SLC52A3: variants seen among roughly 807,000 people sequenced by gnomAD.
The protein encoded by SLC52A3 is solute carrier family 52, riboflavin transporter, member 3.
In SLC52A3, 20 loss-of-function variants were observed where a neutral mutation model predicts 29.5. That is an observed-to-expected ratio of 0.68 (90% CI 0.48 to 0.99). The LOEUF (loss-of-function observed/expected upper bound fraction) is 0.99, where lower values mean the gene tolerates loss of function less well. Among genes scored for constraint, SLC52A3 ranks in the 50% least tolerant of loss-of-function variants. SLC52A3 has a pLI of 0.00. For missense variants in SLC52A3, 548 were observed against 612.9 expected, an observed-to-expected ratio of 0.89 and a Z score of 1.12; for synonymous variants, 301 against 271.0, an observed-to-expected ratio of 1.11 and a Z score of -1.09.
At chr20:772,881 G>A (rs1015334804), upstream of SLC52A3, among the ~76,000 whole-genome samples, 2 of 152,166 alleles carry the variant, frequency 1.3e-5, no homozygotes, top group Non-Finnish European at 2.9e-5. Context: ...CAGAAAGCAC[G>A]GTCCAGGGGA....
chr20:763,803 G>A lies in SLC52A3; in HGVS notation c.768C>T (p.Leu256=). The A allele has an allele frequency of 1.2e-6, 2 of 1,614,110 alleles. No homozygotes were observed. Among genetic ancestry groups the A allele is most frequent in the Non-Finnish European group, 1.7e-6 (2 of 1,179,980 alleles). Residue 256 remains leucine (L), a synonymous_variant, in exon 3 of 5, where the codon CTC becomes CTT. Transcript: ENST00000645534. Reference sequence around the variant, plus strand: ...TGGAGTGGAGGGTGACCTGGTCATTGAGGAGGTCTTCCACGGAAGCCTCCC... The same window carrying A: ...TGGAGTGGAGGGTGACCTGGTCATTAAGGAGGTCTTCCACGGAAGCCTCCC... ...RCWEASVEDL[L]NDQVTLHSIR... is the part of the protein sequence containing the mutation.
intron 3 of SLC52A3, among the ~76,000 whole-genome samples, chr20:762,978 G>A (rs1986540824): frequency 6.6e-6 from 1 of 152,224 alleles, no homozygotes; most frequent in Non-Finnish European, 1.5e-5. Flanking sequence ...GGTTCAATCT[G>A]CATTTTATCA....
chr20:761,269 T>A, intron 4 of SLC52A3, 31 bp from the exon 5 acceptor site: 1 of 1,532,506 alleles, frequency 6.5e-7, no homozygotes, highest in Non-Finnish European at 8.8e-7. Context: ...AGGTGCAGAG[T>A]CACGGGGCTT....
At position 760,934 on chromosome 20, in the gene SLC52A3, CTG is replaced by C. The variant is rs1986436885; in HGVS notation, c.*90_*91del. ...CGTTCATGATTCAATTACTCAGGCT[CTG>C]TCTCTCTGTTCCTGCCCCTTGCTCT... On this transcript the variant is annotated 3_prime_UTR_variant, in exon 5 of 5. Transcript: ENST00000645534. This position sits in a 1 kb window ranked among gnomAD's most constrained non-coding sequence, Gnocchi z 4.9. The C allele has an allele frequency of 7.8e-7, 1 of 1,290,118 alleles. No individual in the cohort carries two copies. Among genetic ancestry groups the C allele is most frequent in the African/African-American group, 1.5e-5 (1 of 67,788 alleles). 79.9% of individuals were successfully genotyped at this position (1,290,118 alleles called of 1,614,324 possible).
At chr20:763,474 C>T (rs563707770) in intron 3 of SLC52A3, 24 bp downstream of exon 3, 10 of 1,613,638 alleles carry the variant, frequency 6.2e-6, no homozygotes, top group Non-Finnish European at 8.5e-6. Flanking sequence ...CACTAGGATT[C>T]CCTAGGACCA....
chr20:769,297 C>A (rs900609969), upstream of SLC52A3, among the ~76,000 whole-genome samples: 2 of 152,210 alleles, frequency 1.3e-5, no homozygotes, highest in African/African-American at 2.4e-5. Context: ...AGTGGCCCCC[C>A]ACTTTGGCCT....
At chr20:769,499 A>G (rs535552754), upstream of SLC52A3, among the ~76,000 whole-genome samples, 1 of 152,240 alleles carries the variant, frequency 6.6e-6, no homozygotes, top group Non-Finnish European at 1.5e-5. Flanking sequence ...GTTGCTAGGA[A>G]CATGCACTAA....
At chr20:761,391 C>T (rs948391808) in intron 4 of SLC52A3, 153 bp from the exon 5 acceptor site, 3 of 952,442 alleles carry the variant, frequency 3.1e-6, no homozygotes, top group African/African-American at 3.3e-5. Context: ...CCGACGGGTC[C>T]CATGAGTTGG....
At chr20:762,253 C>A (rs1202766171) in intron 3 of SLC52A3, among the ~76,000 whole-genome samples, 1 of 152,224 alleles carries the variant, frequency 6.6e-6, no homozygotes, top group Non-Finnish European at 1.5e-5. Context: ...TCAGCCTCAG[C>A]CAGGAAGCTG....
chr20:762,365 A>T (rs1986519752), intron 3 of SLC52A3, among the ~76,000 whole-genome samples: 1 of 152,152 alleles, frequency 6.6e-6, no homozygotes, highest in Admixed American at 6.5e-5. Flanking sequence ...TGCCTCTGCA[A>T]TGTGGAGTGT....
intron 3 of SLC52A3, 152 bp from the exon 4 acceptor site, chr20:761,976 G>T: frequency 1.7e-6 from 2 of 1,165,772 alleles, no homozygotes; most frequent in Non-Finnish European, 1.2e-6. Flanking sequence ...GGGTCAGGGA[G>T]GCTCCTGAGC....
At chr20:778,172 T>C (rs1336877746), upstream of SLC52A3, among the ~76,000 whole-genome samples, 2 of 152,094 alleles carry the variant, frequency 1.3e-5, no homozygotes, top group African/African-American at 4.8e-5. Flanking sequence ...CACGCCACCA[T>C]GCCCAGCTAA....
At position 761,145 on chromosome 20, in the gene SLC52A3, A is replaced by G; in HGVS notation, c.1291T>C (p.Trp431Arg). The change falls in exon 5 of 5, where the codon TGG becomes CGG. Residue 431 changes from tryptophan to arginine, a missense_variant. Trp to Arg is a moderately radical substitution (Grantham distance 101). Transcript: ENST00000645534. ...CCCAGCTGCACCGCCGCCCCGCACC[A>G]CAAGAGGGCGCTGCGGCTGAGGTCG... ...LRDLSRSALL[W>R]CGAAVQLGSL... 6.3e-7 allele frequency: 1 copy of G among 1,589,502 alleles called. No homozygotes were observed. Among genetic ancestry groups the G allele is most frequent in the Non-Finnish European group, 8.6e-7 (1 of 1,169,246 alleles).
At chr20:776,062 G>T (rs974211399), upstream of SLC52A3, 1 of 152,452 alleles carries the variant, frequency 6.6e-6, no homozygotes, top group Non-Finnish European at 1.5e-5. Flanking sequence ...CGGAGGGTGG[G>T]TGTGGCTCCC....
upstream of SLC52A3, among the ~76,000 whole-genome samples, chr20:776,238 A>G (rs1040782273): frequency 1.9e-4 from 29 of 152,296 alleles, no homozygotes; most frequent in African/African-American, 6.7e-4. Flanking sequence ...ATGTGCAAAC[A>G]GTTGGTTCTG....
Position 765,798 on chromosome 20 carries a change from G to T in SLC52A3, c.-24C>A. On this transcript the variant is annotated 5_prime_UTR_variant, in exon 2 of 5. Coordinates refer to ENST00000645534, the MANE Select transcript of SLC52A3 (RefSeq NM_033409.4). The surrounding 1 kb of genome is among the most constrained non-coding windows in gnomAD (Gnocchi z 6.6). ...ATGGCGGTATCTGCCCTGGGCCAGAGGCTTTCTCAGATCAGCCTGCAGCGG... is the reference window on the plus strand; with the variant it reads ...ATGGCGGTATCTGCCCTGGGCCAGATGCTTTCTCAGATCAGCCTGCAGCGG... 1 of 1,607,040 alleles carries T rather than the reference G, an allele frequency of 6.2e-7. No individual in the cohort carries two copies. Among genetic ancestry groups the T allele is most frequent in the Non-Finnish European group, 8.5e-7 (1 of 1,177,178 alleles).
At chr20:779,917 G>A (rs996335862), upstream of SLC52A3, among the ~76,000 whole-genome samples, 5 of 152,182 alleles carry the variant, frequency 3.3e-5, no homozygotes, top group African/African-American at 7.2e-5. Flanking sequence ...GAGGCTAGCC[G>A]TGGAATTGTA....
rs549200577 is a variant in SLC52A3 at position 774,430 on chromosome 20, T to A, written c.-238+1525A>T. Among the ~76,000 whole-genome samples the A allele has an allele frequency of 3.3e-5, 5 of 152,150 alleles. No individual in the cohort carries two copies. The South Asian group carries it at 1.0e-3, about 32-fold the overall frequency. ...TGAGAGTGGGTAGGAATGGACTGAC[T>A]TTGAGCCCATGAAGAAGGGAGGCTG... On this transcript the variant is annotated intron_variant, in intron 1 of 5. Transcript: ENST00000217254.
rs16992990 is a variant in SLC52A3 at position 763,971 on chromosome 20, G to C, written c.600C>G (p.Pro200=). 11 of 1,598,742 alleles carry C rather than the reference G, an allele frequency of 6.9e-6. No homozygotes were observed. Among genetic ancestry groups the C allele is most frequent in the East Asian group, 6.8e-5 (3 of 44,052 alleles). The part of the protein sequence containing the change: ...GVPRALVSAL[P]GMEAPLSHLE... Reference sequence around the variant, plus strand: ...GGTGGGACAAGGGTGCTTCCATTCCGGGGAGGGCGGACACCAAAGCTCTGG... The same window carrying C: ...GGTGGGACAAGGGTGCTTCCATTCCCGGGAGGGCGGACACCAAAGCTCTGG... The change falls in exon 3 of 5, where the codon CCC becomes CCG. Residue 200 remains proline, a synonymous_variant. Transcript: ENST00000645534.
Sources: allele counts gnomAD v4.1 joint callset (sites outside exome capture counted in the v4.1 genomes callset), GRCh38; gene constraint gnomAD v4.1.1; non-coding constraint Gnocchi (gnomAD v3.1); transcripts MANE v1.5; gene names NCBI Gene and HGNC (gene_info 2026-07-23, HGNC 2026-07-21).